The following ADGRV1 variants were observed in gnomAD, a reference collection of about 807,000 sequenced individuals.
ADGRV1 encodes adhesion G protein-coupled receptor V1, also known as G-protein coupled receptor 98.
Under a neutral mutation model 596.2 loss-of-function variants are expected in ADGRV1, and 359 were observed. The observed-to-expected ratio is 0.60, with a 90% CI of 0.55 to 0.66. The LOEUF (loss-of-function observed/expected upper bound fraction) is 0.66, where lower values mean the gene tolerates loss of function less well. Ranked by LOEUF, ADGRV1 falls within the 30% of genes least tolerant of loss-of-function variation. The pLI is 0.00. For synonymous variants in ADGRV1, 2,681 were observed against 2,679.2 expected (o/e 1.00, Z -0.02); for missense variants, 7,274 against 7,575.6 (o/e 0.96, Z 1.48).
At chr5:90,585,723 A>G (rs1758670448) in intron 1 of ADGRV1, among the ~76,000 whole-genome samples, 1 of 152,238 alleles carries the variant, frequency 6.6e-6, no homozygotes, top group Non-Finnish European at 1.5e-5. Context: ...GCTGAAAGAG[A>G]AGCAGTCCCG....
chr5:90,851,487 G>A (rs913126536), intron 79 of ADGRV1, among the ~76,000 whole-genome samples: 3 of 152,156 alleles, frequency 2.0e-5, no homozygotes, highest in African/African-American at 7.2e-5. Flanking sequence ...TATTAAGGGA[G>A]TCTGCTGAGA....
intron 85 of ADGRV1, among the ~76,000 whole-genome samples, chr5:91,070,022 C>T (rs573831063): frequency 6.6e-6 from 1 of 151,966 alleles, no homozygotes; most frequent in South Asian, 2.1e-4. Context: ...AAACCAAATA[C>T]CACGTGTTTT....
intron 21 of ADGRV1, among the ~76,000 whole-genome samples, chr5:90,668,379 GC>G (rs374030126): frequency 0.074 from 11,327 of 152,172 alleles, 452 homozygotes; most frequent in South Asian, 0.13. Context: ...TTTTCCAGGT[GC>G]CGTCCGTCAC....
chr5:90,956,400 G>A (rs1319602204), intron 83 of ADGRV1, among the ~76,000 whole-genome samples: 1 of 152,140 alleles, frequency 6.6e-6, no homozygotes, highest in Non-Finnish European at 1.5e-5. Context: ...AATTTTCTGA[G>A]TAACGACTCA....
chr5:91,049,065 A>C (rs1331935874), intron 85 of ADGRV1, among the ~76,000 whole-genome samples: 2 of 87,124 alleles, frequency 2.3e-5, no homozygotes, highest in Admixed American at 1.9e-4. Context: ...GCTTTTCCTT[A>C]AAAAAAAAAA....
chr5:90,644,072 C>T (rs1286966614), intron 14 of ADGRV1, 89 bp downstream of exon 14: 1 of 948,174 alleles, frequency 1.1e-6, no homozygotes, highest in Non-Finnish European at 1.5e-6. Context: ...CTAGTTATTT[C>T]TAGTTGCTCA....
At chr5:91,111,069 G>T (rs1248407191) in intron 87 of ADGRV1, among the ~76,000 whole-genome samples, 1 of 152,106 alleles carries the variant, frequency 6.6e-6, no homozygotes, top group East Asian at 1.9e-4. Flanking sequence ...CTATCCCCAT[G>T]TCTTAAGCTG....
intron 82 of ADGRV1, among the ~76,000 whole-genome samples, chr5:90,856,806 T>G (rs147785752): frequency 3.0e-4 from 46 of 152,320 alleles, no homozygotes; most frequent in South Asian, 6.2e-4. Flanking sequence ...GATATTTGAT[T>G]ATAAATTGTG....
chr5:90,912,661 C>T lies in ADGRV1; in HGVS notation c.17856+48804C>T, dbSNP rs537810887. Among the ~76,000 whole-genome samples, 9 of 152,072 alleles carry T rather than the reference C, an allele frequency of 5.9e-5. No individual in the cohort carries two copies. In the East Asian group the frequency reaches 7.8e-4, roughly 13 times the overall value. ...TATTGGTTCTCCATACCATGGAGAA[C>T]GGGGGTTATTTGGTTTTCTGTTCAT... On this transcript the variant is annotated intron_variant, in intron 83 of 89. Coordinates refer to ENST00000405460, the MANE Select transcript of ADGRV1 (RefSeq NM_032119.4).
intron 86 of ADGRV1, among the ~76,000 whole-genome samples, chr5:91,098,861 A>T (rs1267707364): frequency 1.3e-5 from 2 of 150,646 alleles, no homozygotes; most frequent in East Asian, 3.9e-4. Context: ...GTCCCTTTGT[A>T]CTCCGCCCAG....
intron 1 of ADGRV1, among the ~76,000 whole-genome samples, chr5:90,562,013 A>G (rs1193350967): frequency 2.0e-5 from 3 of 152,166 alleles, no homozygotes; most frequent in Admixed American, 1.3e-4. Flanking sequence ...AGAAATAATG[A>G]AAAAATCACC....
intron 70 of ADGRV1, among the ~76,000 whole-genome samples, chr5:90,798,531 AT>A (rs1760998155): frequency 6.6e-6 from 1 of 152,226 alleles, no homozygotes; most frequent in African/African-American, 2.4e-5. Flanking sequence ...TTCTGAAATG[AT>A]TCCAAACAAA....
chr5:90,898,597 T>A (rs1013927356), intron 83 of ADGRV1, among the ~76,000 whole-genome samples: 1 of 152,130 alleles, frequency 6.6e-6, no homozygotes, highest in African/African-American at 2.4e-5. Context: ...CAGCTTAATA[T>A]AGGTTAGTAT....
chr5:90,587,328 G>C (rs1341367612), intron 1 of ADGRV1, among the ~76,000 whole-genome samples: 1 of 152,052 alleles, frequency 6.6e-6, no homozygotes, highest in Admixed American at 6.6e-5. Context: ...CTGCTTCCTT[G>C]TAGTGGGGAA....
chr5:90,773,347 A>G (rs375180321), intron 59 of ADGRV1, among the ~76,000 whole-genome samples: 2 of 152,132 alleles, frequency 1.3e-5, no homozygotes, highest in African/African-American at 4.8e-5. Flanking sequence ...ATAAATTATA[A>G]TAAAAGACCA....
chr5:90,654,451 T>C, intron 20 of ADGRV1: 1 of 180,440 alleles, frequency 5.5e-6, no homozygotes, highest in South Asian at 1.2e-4. Flanking sequence ...ATTATAGGGT[T>C]CATACTATCA....
At position 90,756,684 on chromosome 5, in the gene ADGRV1, T is replaced by C; in HGVS notation, c.11757+54T>C. 1.1e-5 allele frequency: 16 copies of C among 1,432,086 alleles called. No homozygotes were observed. The South Asian group carries it at 1.7e-4, about 15-fold the overall frequency. 88.7% of individuals were successfully genotyped at this position (1,432,086 alleles called of 1,614,324 possible). On this transcript the variant is annotated intron_variant, in intron 56 of 89. Transcript: ENST00000405460. ...CATACAGAGGCCTCTCCCTGCTGAT[T>C]TGGCCAGTGTTTTATGTTTAGCTTT...
rs556739703 is a variant in ADGRV1 at position 90,558,901 on chromosome 5, G to C, written c.6G>C (p.Ser2=). 1 of 1,559,590 alleles carries C rather than the reference G, an allele frequency of 6.4e-7. No homozygotes were observed. Among genetic ancestry groups the C allele is most frequent in the Non-Finnish European group, 8.7e-7 (1 of 1,151,136 alleles). Reference sequence around the variant, plus strand: ...GGACCGCCGGGAGCGCGCGGATGTCGGTGTTCCTGGGGCCAGGTAGGCTAT... The same window carrying C: ...GGACCGCCGGGAGCGCGCGGATGTCCGTGTTCCTGGGGCCAGGTAGGCTAT... M[S]VFLGPGMPSA... The change falls in exon 1 of 90, where the codon TCG becomes TCC. Residue 2 remains serine (S), a synonymous_variant. Coordinates refer to ENST00000405460, the MANE Select transcript of ADGRV1 (RefSeq NM_032119.4).
intron 84 of ADGRV1, 81 bp from the exon 85 acceptor site, chr5:90,985,263 T>A (rs1780392179): frequency 1.1e-5 from 11 of 958,204 alleles, no homozygotes; most frequent in Admixed American, 3.2e-5. Flanking sequence ...TGTTGGTCGG[T>A]AACATTGCCT....
Sources: gnomAD v4.1 joint callset for allele counts (sites outside exome capture counted in the v4.1 genomes callset) on GRCh38, gnomAD v4.1.1 for gene constraint, MANE v1.5 for transcripts, NCBI Gene and HGNC (gene_info 2026-07-23, HGNC 2026-07-21) for gene names.